The following LRMDA variants were observed in gnomAD, a reference collection of about 807,000 sequenced individuals.
LRMDA encodes leucine-rich melanocyte differentiation-associated protein.
A neutral mutation model predicts 29.8 loss-of-function variants in LRMDA; 18 were observed. The ratio of observed to expected loss-of-function variants is 0.60; its 90% CI spans 0.42 to 0.90. The LOEUF (loss-of-function observed/expected upper bound fraction) is 0.90. LRMDA is among the 40% of genes least tolerant of loss of function. The pLI is 0.00. For synonymous variants in LRMDA, 125 were observed against 109.4 expected (o/e 1.14, Z -0.89); for missense variants, 273 against 273.9 (o/e 1.00, Z 0.02).
intron 6 of LRMDA, among the ~76,000 whole-genome samples, chr10:76,556,710 A>G (rs1286449207): frequency 6.6e-6 from 1 of 152,124 alleles, no homozygotes; most frequent in East Asian, 1.9e-4. Flanking sequence ...ATATGTGCTC[A>G]ATGCCTGGTG....
At chr10:76,441,539 G>A (rs1437397870) in intron 6 of LRMDA, among the ~76,000 whole-genome samples, 1 of 152,088 alleles carries the variant, frequency 6.6e-6, no homozygotes, top group Non-Finnish European at 1.5e-5. Flanking sequence ...ATACACCTAG[G>A]CCAAGGCACA....
At chr10:76,321,533 T>TATTGTC (rs1491145285) in intron 5 of LRMDA, among the ~76,000 whole-genome samples, 2 of 76,712 alleles carry the variant, frequency 2.6e-5, no homozygotes, top group Non-Finnish European at 2.1e-5. Flanking sequence ...AAAGACATTC[T>TATTGTC]TTTTTTTTTT....
intron 6 of LRMDA, among the ~76,000 whole-genome samples, chr10:76,387,034 ATACT>A (rs1349118712): frequency 6.6e-5 from 10 of 152,324 alleles, no homozygotes; most frequent in South Asian, 6.2e-4. Context: ...TGAAATGGTA[ATACT>A]TAATAAATGT....
rs151013323 is a variant in LRMDA at position 75,534,333 on chromosome 10, G to A, written c.131+95839G>A. Among the ~76,000 whole-genome samples the A allele has an allele frequency of 3.7e-3, 558 of 152,306 alleles. 6 individuals carry two copies. The highest frequency in any genetic ancestry group is 0.013 in the African/African-American group (536 of 41,566). ...ATTTGGTGGACAGTGGTCCTCCTGGGACTTGCTGTCATGTGGTGTACTTTA... is the reference window on the plus strand; with the variant it reads ...ATTTGGTGGACAGTGGTCCTCCTGGAACTTGCTGTCATGTGGTGTACTTTA... On this transcript the variant is annotated intron_variant, in intron 2 of 6. Coordinates refer to ENST00000611255, the MANE Select transcript of LRMDA (RefSeq NM_001305581.2).
At chr10:75,977,621 G>A (rs1218663476) in intron 2 of LRMDA, among the ~76,000 whole-genome samples, 1 of 152,228 alleles carries the variant, frequency 6.6e-6, no homozygotes, top group Non-Finnish European at 1.5e-5. Flanking sequence ...TTAATAGGAT[G>A]ACAGAAAGCA....
intron 6 of LRMDA, among the ~76,000 whole-genome samples, chr10:76,458,972 A>G (rs3740243): frequency 6.6e-6 from 1 of 152,186 alleles, no homozygotes; most frequent in East Asian, 1.9e-4. Flanking sequence ...AATAGCACTA[A>G]GAAATCAGTA....
At chr10:75,617,938 G>A (rs1564523546) in intron 2 of LRMDA, among the ~76,000 whole-genome samples, 4 of 152,178 alleles carry the variant, frequency 2.6e-5, no homozygotes, top group African/African-American at 9.7e-5. Flanking sequence ...GGCCTTTGTC[G>A]CCTTGGCTAG....
At chr10:76,417,397 C>T (rs1483512359) in intron 6 of LRMDA, among the ~76,000 whole-genome samples, 1 of 151,994 alleles carries the variant, frequency 6.6e-6, no homozygotes, top group Non-Finnish European at 1.5e-5. Context: ...TTAAAGTGAA[C>T]TATGACGTAT....
At chr10:76,267,259 C>T (rs1345245466) in intron 5 of LRMDA, among the ~76,000 whole-genome samples, 1 of 151,530 alleles carries the variant, frequency 6.6e-6, no homozygotes, top group Non-Finnish European at 1.5e-5. Context: ...TATTGTTTGC[C>T]CATTCAAATT....
chr10:76,112,828 C>T (rs1849604146), intron 5 of LRMDA, among the ~76,000 whole-genome samples: 1 of 152,104 alleles, frequency 6.6e-6, no homozygotes, highest in South Asian at 2.1e-4. Context: ...CTGGTTGCTG[C>T]TTCTCTCTCT....
chr10:76,186,190 C>T (rs1589367967), intron 5 of LRMDA, among the ~76,000 whole-genome samples: 2 of 152,118 alleles, frequency 1.3e-5, no homozygotes, highest in East Asian at 1.9e-4. Context: ...TTATTTATTT[C>T]CTGAATGTGC....
At chr10:76,552,118 C>T (rs1843502920) in intron 6 of LRMDA, among the ~76,000 whole-genome samples, 1 of 152,214 alleles carries the variant, frequency 6.6e-6, no homozygotes, top group Admixed American at 6.5e-5. Context: ...GATAATTATT[C>T]TATTTTACAA....
intron 6 of LRMDA, among the ~76,000 whole-genome samples, chr10:76,428,876 T>G (rs1394381672): frequency 6.6e-6 from 1 of 152,174 alleles, no homozygotes; most frequent in Non-Finnish European, 1.5e-5. Context: ...AAGGGGTTAA[T>G]TGAGGGTGAG....
At chr10:76,085,614 C>T (rs1849120919) in intron 5 of LRMDA, among the ~76,000 whole-genome samples, 1 of 152,138 alleles carries the variant, frequency 6.6e-6, no homozygotes, top group Non-Finnish European at 1.5e-5. Flanking sequence ...TAAGCCTTAC[C>T]CTGACCCTGT....
At chr10:75,875,144 G>C (rs746300903) in intron 2 of LRMDA, among the ~76,000 whole-genome samples, 1 of 152,216 alleles carries the variant, frequency 6.6e-6, no homozygotes, top group Non-Finnish European at 1.5e-5. Flanking sequence ...GTTCTAGAGA[G>C]AGATAGAAGA....
chr10:76,377,455 A>C (rs1841535279), intron 6 of LRMDA, among the ~76,000 whole-genome samples: 1 of 152,122 alleles, frequency 6.6e-6, no homozygotes, highest in South Asian at 2.1e-4. Context: ...TCTTAGTTAC[A>C]AATTCTTTGC....
At chr10:76,365,762 T>A (rs953788923) in intron 6 of LRMDA, among the ~76,000 whole-genome samples, 4 of 152,244 alleles carry the variant, frequency 2.6e-5, no homozygotes, top group Admixed American at 6.5e-5. Flanking sequence ...AGGTCTCAGC[T>A]ATTTATCTTT....
intron 2 of LRMDA, among the ~76,000 whole-genome samples, chr10:75,913,057 AGGTACAT>A (rs1845866290): frequency 6.6e-6 from 1 of 152,204 alleles, no homozygotes; most frequent in African/African-American, 2.4e-5. Flanking sequence ...CATAGACGCT[AGGTACAT>A]GGGCCTTTCT....
chr10:75,744,133 C>T (rs1435233239), intron 2 of LRMDA, among the ~76,000 whole-genome samples: 1 of 152,174 alleles, frequency 6.6e-6, no homozygotes, highest in Non-Finnish European at 1.5e-5. Context: ...ACCCTGGACA[C>T]ATCTATGGGA....
Sources: allele counts gnomAD v4.1 joint callset (sites outside exome capture counted in the v4.1 genomes callset), GRCh38; gene constraint gnomAD v4.1.1; transcripts MANE v1.5; gene names NCBI Gene and HGNC (gene_info 2026-07-23, HGNC 2026-07-21).